Variants in GALNT13 observed in about 807,000 individuals in gnomAD.
GALNT13 encodes the protein UDP-GalNAc:polypeptide N-acetylgalactosaminyltransferase 13.
In GALNT13, 28 loss-of-function variants were observed where a neutral mutation model predicts 64.2. The observed-to-expected ratio is 0.44, with a 90% CI of 0.32 to 0.60. GALNT13 has a LOEUF of 0.60. Ranked by LOEUF, GALNT13 falls within the 20% of genes least tolerant of loss-of-function variation. The pLI is 0.05. For missense variants in GALNT13, 577 were observed against 669.8 expected (o/e 0.86, Z 1.53); for synonymous variants, 214 against 224.6 (o/e 0.95, Z 0.42).
the GALNT13 span, among the ~76,000 whole-genome samples, chr2:153,410,013 C>A: frequency 1.3e-5 from 2 of 152,140 alleles, no homozygotes; most frequent in African/African-American, 4.8e-5. Context: ...CAGAATCAAA[C>A]CAGTGTCAGC....
At chr2:153,497,259 G>A in the GALNT13 span, among the ~76,000 whole-genome samples, 1 of 151,972 alleles carries the variant, frequency 6.6e-6, no homozygotes, top group African/African-American at 2.4e-5. Context: ...TCGAACCTAA[G>A]GAAGCACAAA....
chr2:153,305,745 A>G, the GALNT13 span, among the ~76,000 whole-genome samples: 5 of 152,084 alleles, frequency 3.3e-5, no homozygotes, highest in Non-Finnish European at 7.3e-5. Context: ...TTGTACAGGC[A>G]GTGTTGAGCA....
At chr2:154,195,955 C>A (rs555297712) in intron 4 of GALNT13, among the ~76,000 whole-genome samples, 1 of 152,280 alleles carries the variant, frequency 6.6e-6, no homozygotes, top group Non-Finnish European at 1.5e-5. Context: ...TATTGACCCA[C>A]CCAAGCTAGA....
the GALNT13 span, among the ~76,000 whole-genome samples, chr2:153,325,988 A>T: frequency 6.6e-6 from 1 of 152,154 alleles, no homozygotes; most frequent in Non-Finnish European, 1.5e-5. Flanking sequence ...TTTGGGGTGG[A>T]GAGTTCTGTA....
At chr2:153,712,516 C>T in the GALNT13 span, among the ~76,000 whole-genome samples, 4 of 151,944 alleles carry the variant, frequency 2.6e-5, no homozygotes, top group East Asian at 7.7e-4. Context: ...AAAAAATGAG[C>T]AAATAAGTTA....
At position 154,227,304 on chromosome 2, in the gene GALNT13, G is replaced by A. The variant is rs540743807; in HGVS notation, c.312-14726G>A. On this transcript the variant is annotated intron_variant, in intron 4 of 12. Transcript: ENST00000392825. ...AGGTTTGTGATAGCAGGACTCCACT[G>A]GCTACCTGGGGCACATTTTTCTTTT... Among the ~76,000 whole-genome samples the A allele has an allele frequency of 5.3e-5, 8 of 152,070 alleles. No homozygotes were observed. The South Asian group carries it at 1.0e-3, about 20-fold the overall frequency.
chr2:153,637,819 G>A, the GALNT13 span, among the ~76,000 whole-genome samples: 3 of 152,160 alleles, frequency 2.0e-5, no homozygotes, highest in Admixed American at 6.6e-5. Flanking sequence ...TTCAAGTGTT[G>A]TAGAATCTCA....
chr2:153,659,034 C>T, the GALNT13 span, among the ~76,000 whole-genome samples: 1 of 151,816 alleles, frequency 6.6e-6, no homozygotes, highest in Non-Finnish European at 1.5e-5. Flanking sequence ...TTCTATAAAC[C>T]ATAATGTAAT....
At chr2:153,242,590 T>A in the GALNT13 span, among the ~76,000 whole-genome samples, 1 of 152,248 alleles carries the variant, frequency 6.6e-6, no homozygotes, top group African/African-American at 2.4e-5. Context: ...GAAGATTTTT[T>A]AAAGAGAGCT....
chr2:153,161,199 T>G, the GALNT13 span, among the ~76,000 whole-genome samples: 1 of 152,228 alleles, frequency 6.6e-6, no homozygotes, highest in Non-Finnish European at 1.5e-5. Flanking sequence ...GACCAAAGGC[T>G]GTGCCTCCTT....
the GALNT13 span, among the ~76,000 whole-genome samples, chr2:153,440,301 T>C: frequency 1.3e-5 from 2 of 152,228 alleles, no homozygotes; most frequent in African/African-American, 4.8e-5. Flanking sequence ...CATGGCTGCA[T>C]AGTATTCCGT....
At chr2:153,860,969 G>A in the GALNT13 span, among the ~76,000 whole-genome samples, 1 of 152,276 alleles carries the variant, frequency 6.6e-6, no homozygotes, top group African/African-American at 2.4e-5. Flanking sequence ...TGAGTTTAGG[G>A]ATTTGAGGAG....
the GALNT13 span, among the ~76,000 whole-genome samples, chr2:153,307,319 T>A: frequency 6.6e-6 from 1 of 152,138 alleles, no homozygotes; most frequent in Admixed American, 6.6e-5. Flanking sequence ...TGTGGGAAAT[T>A]ATCTTAAATT....
chr2:153,148,194 A>C, the GALNT13 span, among the ~76,000 whole-genome samples: 3 of 151,900 alleles, frequency 2.0e-5, no homozygotes, highest in Non-Finnish European at 4.4e-5. Context: ...TTCATATTTC[A>C]TCTTTAAATT....
chr2:153,657,264 A>G, the GALNT13 span, among the ~76,000 whole-genome samples: 2 of 151,972 alleles, frequency 1.3e-5, no homozygotes, highest in Non-Finnish European at 2.9e-5. Flanking sequence ...GGAATGGGGG[A>G]AGTTATTAAA....
chr2:153,359,629 G>GAAAAAAAAA, the GALNT13 span, among the ~76,000 whole-genome samples: 1 of 8,926 alleles, frequency 1.1e-4, no homozygotes, highest in Non-Finnish European at 2.1e-4. Context: ...CCAGCTTTCA[G>GAAAAAAAAA]CAAAAAAAAA....
At chr2:153,923,875 A>T (rs564487441) in intron 2 of GALNT13, among the ~76,000 whole-genome samples, 12 of 151,990 alleles carry the variant, frequency 7.9e-5, no homozygotes, top group African/African-American at 2.2e-4. Flanking sequence ...TGAACTCATC[A>T]TTTTTTATGG....
At chr2:153,878,150 A>C (rs1418344002) in intron 1 of GALNT13, among the ~76,000 whole-genome samples, 1 of 152,210 alleles carries the variant, frequency 6.6e-6, no homozygotes, top group South Asian at 2.1e-4. Flanking sequence ...GTCTACTTCT[A>C]TCATCTCAAT....
intron 2 of GALNT13, among the ~76,000 whole-genome samples, chr2:153,926,840 A>G (rs898295363): frequency 3.3e-5 from 5 of 152,140 alleles, no homozygotes; most frequent in East Asian, 1.9e-4. Flanking sequence ...AAAATAAAAC[A>G]TATATCTTCC....
Sources: allele counts gnomAD v4.1 joint callset (sites outside exome capture counted in the v4.1 genomes callset), GRCh38; gene constraint gnomAD v4.1.1; transcripts MANE v1.5; gene names NCBI Gene and HGNC (gene_info 2026-07-23, HGNC 2026-07-21).